Variants in SESN1 observed in about 807,000 individuals in gnomAD.
SESN1 encodes the protein sestrin 1.
In SESN1, 30 loss-of-function variants were observed where a neutral mutation model predicts 59.3. That is an observed-to-expected ratio of 0.51 (90% CI 0.38 to 0.69). The LOEUF (loss-of-function observed/expected upper bound fraction) is 0.69. Ranked by LOEUF, SESN1 falls within the 30% of genes least tolerant of loss-of-function variation. The pLI, the probability that SESN1 is intolerant of heterozygous loss-of-function variation, is 0.00. For missense variants in SESN1, 566 were observed against 673.0 expected (o/e 0.84, Z 1.76); for synonymous variants, 197 against 219.9 (o/e 0.90, Z 0.92).
chr6:109,028,842 C>T (rs1780137943), intron 1 of SESN1, among the ~76,000 whole-genome samples: 1 of 152,084 alleles, frequency 6.6e-6, no homozygotes, highest in Non-Finnish European at 1.5e-5. Flanking sequence ...AAAGAACAAC[C>T]CCCAAACTTT....
chr6:109,090,597 T>C (rs553509526), intron 1 of SESN1: 6 of 152,320 alleles, frequency 3.9e-5, no homozygotes, highest in African/African-American at 1.4e-4. Flanking sequence ...ATATTTACCA[T>C]TCATTAAGTG....
intron 7 of SESN1, 122 bp from the exon 8 acceptor site, chr6:108,990,957 T>G (rs1779365446): frequency 1.3e-6 from 1 of 751,160 alleles, no homozygotes; most frequent in East Asian, 2.8e-5. Context: ...CTTTTATCCC[T>G]AACTCCCAGC....
At chr6:109,000,408 T>G in intron 4 of SESN1, 83 bp downstream of exon 4, 1 of 1,101,430 alleles carries the variant, frequency 9.1e-7, no homozygotes. Context: ...CTCTCTGTAC[T>G]TTCTGTGCGA....
At chr6:109,091,605 T>C (rs1047700483) in intron 1 of SESN1, among the ~76,000 whole-genome samples, 1 of 152,236 alleles carries the variant, frequency 6.6e-6, no homozygotes, top group African/African-American at 2.4e-5. Context: ...CACCTTTACA[T>C]GGGTAATATT....
At chr6:109,032,226 A>C (rs12193075) in intron 1 of SESN1, among the ~76,000 whole-genome samples, 29,789 of 151,696 alleles carry the variant, frequency 0.2, 3,573 homozygotes, top group African/African-American at 0.33. Flanking sequence ...GAGCTGAGAT[A>C]ATGCCATTGC....
chr6:109,061,619 C>T (rs969352190), intron 1 of SESN1, among the ~76,000 whole-genome samples: 2 of 152,048 alleles, frequency 1.3e-5, no homozygotes, highest in Non-Finnish European at 2.9e-5. Flanking sequence ...GCCTGGGCAA[C>T]ATGGTGAAAC....
chr6:108,988,732 C>A, intron 8 of SESN1, 45 bp from the exon 9 acceptor site: 9 of 1,483,382 alleles, frequency 6.1e-6, no homozygotes, highest in Non-Finnish European at 7.3e-6. Flanking sequence ...CAGTGTATAA[C>A]CTGTTTTCAT....
At chr6:109,009,492 G>A in intron 1 of SESN1, 9 of 1,231,542 alleles carry the variant, frequency 7.3e-6, no homozygotes, top group South Asian at 3.3e-5. Context: ...GACGCGCGGA[G>A]GCGGCGAGCG....
chr6:109,017,379 G>A (rs1019557343), intron 1 of SESN1, among the ~76,000 whole-genome samples: 2 of 152,036 alleles, frequency 1.3e-5, no homozygotes, highest in African/African-American at 2.4e-5. Context: ...TCCACTGCCC[G>A]GGTTCACACC....
At chr6:109,004,133 C>T (rs551561349) in intron 1 of SESN1, among the ~76,000 whole-genome samples, 1 of 151,498 alleles carries the variant, frequency 6.6e-6, no homozygotes, top group Non-Finnish European at 1.5e-5. Context: ...CTTTACCCCA[C>T]AATAAATCAG....
rs1779191547 is a variant in SESN1 at position 108,986,375 on chromosome 6, TAGAA to T, written c.*1165_*1168del. Reference sequence around the variant, plus strand: ...AATGTACTTGGCTTATGAAAGTAGATAGAAACTCAAAATTATTACTAATAGTGAA... The same window carrying T: ...AATGTACTTGGCTTATGAAAGTAGATACTCAAAATTATTACTAATAGTGAA... On this transcript the variant is annotated 3_prime_UTR_variant, in exon 10 of 10. Coordinates refer to ENST00000436639, the MANE Select transcript of SESN1 (RefSeq NM_014454.3). 1 of 152,610 alleles carries T rather than the reference TAGAA, an allele frequency of 6.6e-6. No individual in the cohort carries two copies. Among genetic ancestry groups the T allele is most frequent in the East Asian group, 1.9e-4 (1 of 5,200 alleles). 9.5% of individuals were successfully genotyped at this position (152,610 alleles called of 1,614,324 possible).
At chr6:109,059,248 A>G (rs1780690979) in intron 1 of SESN1, among the ~76,000 whole-genome samples, 1 of 152,192 alleles carries the variant, frequency 6.6e-6, no homozygotes, top group Non-Finnish European at 1.5e-5. Flanking sequence ...TAGCCAGAGT[A>G]CATTCCTGGA....
intron 1 of SESN1, among the ~76,000 whole-genome samples, chr6:109,075,684 T>C (rs892430162): frequency 1.3e-5 from 2 of 152,216 alleles, no homozygotes; most frequent in Non-Finnish European, 2.9e-5. Context: ...TGGCAGATAC[T>C]GTAATTGCAG....
intron 1 of SESN1, chr6:109,008,777 G>T: frequency 1.0e-6 from 1 of 985,350 alleles, no homozygotes; most frequent in Non-Finnish European, 1.2e-6. Context: ...TTCAGAAAAG[G>T]GATGGCTTAA....
chr6:109,065,956 CTAAGAA>C (rs1254872871), intron 1 of SESN1, among the ~76,000 whole-genome samples: 1 of 151,888 alleles, frequency 6.6e-6, no homozygotes, highest in African/African-American at 2.4e-5. Flanking sequence ...AGAGCCTAAA[CTAAGAA>C]TAAGATCATC....
chr6:109,052,290 G>A (rs904010422), intron 1 of SESN1, among the ~76,000 whole-genome samples: 7 of 151,970 alleles, frequency 4.6e-5, no homozygotes, highest in Admixed American at 6.5e-5. Flanking sequence ...AGAAATATTT[G>A]AGAAAATTTT....
At chr6:109,091,684 A>C (rs1480102621) in intron 1 of SESN1, among the ~76,000 whole-genome samples, 4 of 152,156 alleles carry the variant, frequency 2.6e-5, no homozygotes, top group African/African-American at 9.7e-5. Flanking sequence ...ATCTAAAATT[A>C]AATTTTATAT....
intron 1 of SESN1, among the ~76,000 whole-genome samples, chr6:109,055,702 T>C (rs1780621339): frequency 6.8e-6 from 1 of 146,368 alleles, no homozygotes. Context: ...AAAACCAGAA[T>C]GGTTATTTCA....
intron 1 of SESN1, among the ~76,000 whole-genome samples, chr6:109,054,769 A>AC (rs34504736): frequency 0.2 from 30,337 of 152,066 alleles, 3,757 homozygotes; most frequent in African/African-American, 0.34. Flanking sequence ...AAGAATATTA[A>AC]CTTTTTCATA....
Sources: allele counts gnomAD v4.1 joint callset (sites outside exome capture counted in the v4.1 genomes callset), GRCh38; gene constraint gnomAD v4.1.1; transcripts MANE v1.5; gene names NCBI Gene and HGNC (gene_info 2026-07-23, HGNC 2026-07-21).